AIG1: variants seen among roughly 807,000 people sequenced by gnomAD.
AIG1 encodes the protein androgen-induced gene 1 protein.
AIG1 carries 23 observed loss-of-function variants against 31.4 expected under a neutral mutation model. The ratio of observed to expected loss-of-function variants is 0.73; its 90% CI spans 0.53 to 1.04. The LOEUF is 1.04. Among genes scored for constraint, AIG1 ranks in the 50% least tolerant of loss-of-function variants. The pLI is 0.00. For synonymous variants in AIG1, 100 were observed against 110.5 expected (o/e 0.90, Z 0.60); for missense variants, 274 against 295.0 (o/e 0.93, Z 0.52).
intron 1 of AIG1, among the ~76,000 whole-genome samples, chr6:143,062,472 C>A (rs1392409190): frequency 1.3e-5 from 2 of 152,138 alleles, no homozygotes; most frequent in African/African-American, 4.8e-5. Flanking sequence ...CTGTCTGTTC[C>A]TTTTAGCTTC....
rs1798230856 is a variant in AIG1 at position 143,293,863 on chromosome 6, G to A, written c.515+9638G>A. Reference sequence around the variant, plus strand: ...AAATCACCAGTGTGATGCTGCTTGTGCTCTTGATGCTACTTGGCAATTTTC... The same window carrying A: ...AAATCACCAGTGTGATGCTGCTTGTACTCTTGATGCTACTTGGCAATTTTC... On this transcript the variant is annotated intron_variant, in intron 4 of 5. Transcript: ENST00000357847. This position sits in a 1 kb window ranked among gnomAD's most constrained non-coding sequence, Gnocchi z 4.8. Among the ~76,000 whole-genome samples, 1 of 151,976 alleles carries A rather than the reference G, an allele frequency of 6.6e-6. No homozygotes were observed. Among genetic ancestry groups the A allele is most frequent in the Non-Finnish European group, 1.5e-5 (1 of 67,998 alleles).
rs1217895212 is a variant in AIG1 at position 143,142,352 on chromosome 6, G to A, written c.297+5362G>A. ...GCCTCCTGAGTATCCAGATTACAGG[G>A]ACAAGCTACCATACCCAGCTAATTA... On this transcript the variant is annotated intron_variant, in intron 2 of 5. Coordinates refer to ENST00000357847, the MANE Select transcript of AIG1 (RefSeq NM_016108.4). 3.3e-5 allele frequency among the ~76,000 whole-genome samples: 5 copies of A among 152,286 alleles called. No individual in the cohort carries two copies. In the East Asian group the frequency reaches 9.6e-4, roughly 29 times the overall value.
intron 4 of AIG1, among the ~76,000 whole-genome samples, chr6:143,312,893 G>T (rs894718967): frequency 6.6e-6 from 1 of 151,978 alleles, no homozygotes; most frequent in African/African-American, 2.4e-5. Context: ...TCAAAAATTG[G>T]CAAAAAATCT....
chr6:143,277,774 TG>T (rs1797047243), intron 3 of AIG1, among the ~76,000 whole-genome samples: 1 of 152,242 alleles, frequency 6.6e-6, no homozygotes, highest in African/African-American at 2.4e-5. Context: ...GGTGTTCATA[TG>T]ATATGGGAGT....
intron 2 of AIG1, among the ~76,000 whole-genome samples, chr6:143,151,873 A>G (rs1197406743): frequency 6.6e-6 from 1 of 152,202 alleles, no homozygotes; most frequent in African/African-American, 2.4e-5. Context: ...TCAAATTACT[A>G]TAATCTGATG....
At chr6:143,203,805 C>T (rs959850608) in intron 3 of AIG1, among the ~76,000 whole-genome samples, 7 of 152,252 alleles carry the variant, frequency 4.6e-5, no homozygotes, top group Admixed American at 3.3e-4. Flanking sequence ...AAGAAGAATT[C>T]GACAGAAGAC....
rs146556715 is a variant in AIG1, at chr6:143,333,125, C to G, written c.516-157C>G. 3.3e-5 allele frequency among the ~76,000 whole-genome samples: 5 copies of G among 152,304 alleles called. No homozygotes were observed. The highest frequency in any genetic ancestry group is 3.9e-4 in the East Asian group (2 of 5,194). On this transcript the variant is annotated intron_variant, in intron 4 of 5. Coordinates refer to ENST00000357847, the MANE Select transcript of AIG1 (RefSeq NM_016108.4). This position sits in a 1 kb window ranked among gnomAD's most constrained non-coding sequence, Gnocchi z 4.6. ...AAAGTAAATGAAAATAAACAGCAAC[C>G]AAGTTTCCAGTAGCTCCTGAGTATC...
chr6:143,307,926 C>A (rs1366912275), intron 4 of AIG1, among the ~76,000 whole-genome samples: 1 of 152,250 alleles, frequency 6.6e-6, no homozygotes, highest in Non-Finnish European at 1.5e-5. Flanking sequence ...GCCCCTCCCC[C>A]AGCCTCGCTG....
intron 1 of AIG1, among the ~76,000 whole-genome samples, chr6:143,124,099 G>A (rs1343333288): frequency 6.6e-6 from 1 of 152,212 alleles, no homozygotes; most frequent in Non-Finnish European, 1.5e-5. Flanking sequence ...CAAAGTCATG[G>A]TGAATTACAT....
chr6:143,251,761 C>G (rs1228419351), intron 3 of AIG1, among the ~76,000 whole-genome samples: 1 of 152,174 alleles, frequency 6.6e-6, no homozygotes, highest in Non-Finnish European at 1.5e-5. Context: ...GGTCCTTGGC[C>G]TTTTACCATT....
At chr6:143,343,047 A>G (rs1777886341), downstream of AIG1, 1 of 792,462 alleles carries the variant, frequency 1.3e-6, no homozygotes, top group African/African-American at 1.7e-5. Context: ...TTGCCACACG[A>G]AGATATGGAC....
chr6:143,275,580 T>C (rs9390074), intron 3 of AIG1, among the ~76,000 whole-genome samples: 18,664 of 152,112 alleles, frequency 0.12, 1,558 homozygotes, highest in East Asian at 0.39. Context: ...TAGTGGACTG[T>C]GCTGTACCTT....
chr6:143,343,165 C>G (rs149607454), downstream of AIG1: 1 of 736,790 alleles, frequency 1.4e-6, no homozygotes, highest in African/African-American at 1.7e-5. Context: ...ACATTCACAG[C>G]AGGAAATGCC....
chr6:143,088,437 G>C (rs1428318943), intron 1 of AIG1, among the ~76,000 whole-genome samples: 7 of 152,162 alleles, frequency 4.6e-5, no homozygotes, highest in Non-Finnish European at 1.0e-4. Flanking sequence ...GAAGAGAACT[G>C]GTGCACTCAA....
intron 1 of AIG1, among the ~76,000 whole-genome samples, chr6:143,073,075 T>C (rs1777436609): frequency 6.6e-6 from 1 of 152,220 alleles, no homozygotes; most frequent in Non-Finnish European, 1.5e-5. Flanking sequence ...TTTTGTTTTC[T>C]ATCTCTGTAT....
intron 1 of AIG1, among the ~76,000 whole-genome samples, chr6:143,122,834 T>G (rs756160157): frequency 3.3e-5 from 5 of 152,080 alleles, no homozygotes; most frequent in Admixed American, 6.6e-5. Flanking sequence ...TTTAGTTTGT[T>G]CCCTCCCACC....
intron 3 of AIG1, among the ~76,000 whole-genome samples, chr6:143,240,834 T>G (rs1275334549): frequency 1.3e-5 from 2 of 152,196 alleles, no homozygotes; most frequent in African/African-American, 4.8e-5. Context: ...TCAATTCCCG[T>G]ACTTATCTTT....
At chr6:143,320,603 C>G (rs1037113405) in intron 4 of AIG1, among the ~76,000 whole-genome samples, 4 of 152,094 alleles carry the variant, frequency 2.6e-5, no homozygotes, top group Non-Finnish European at 4.4e-5. Context: ...ATAAACCAGA[C>G]TATATGATCC....
chr6:143,146,954 A>T (rs1158098279), intron 2 of AIG1, among the ~76,000 whole-genome samples: 3 of 152,186 alleles, frequency 2.0e-5, no homozygotes, highest in African/African-American at 7.2e-5. Flanking sequence ...TGACGCAGAA[A>T]ATCAGGTGGG....
Sources: gnomAD v4.1 joint callset for allele counts (sites outside exome capture counted in the v4.1 genomes callset) on GRCh38, gnomAD v4.1.1 for gene constraint, Gnocchi (gnomAD v3.1) non-coding constraint, MANE v1.5 for transcripts, NCBI Gene and HGNC (gene_info 2026-07-23, HGNC 2026-07-21) for gene names.